The following CDYL2 variants were observed in gnomAD, a reference collection of about 807,000 sequenced individuals.
CDYL2 encodes the protein chromodomain Y-like protein 2.
Under a neutral mutation model 49.4 loss-of-function variants are expected in CDYL2, and 23 were observed. The observed-to-expected ratio is 0.47, with a 90% CI of 0.34 to 0.66. The LOEUF (loss-of-function observed/expected upper bound fraction) is 0.66. CDYL2 is among the 30% of genes least tolerant of loss of function. The pLI is 0.01. For synonymous variants in CDYL2, 360 were observed against 268.8 expected (o/e 1.34, Z -3.32); for missense variants, 678 against 656.4 (o/e 1.03, Z -0.36).
intron 1 of CDYL2, among the ~76,000 whole-genome samples, chr16:80,734,346 A>G (rs993029279): frequency 1.3e-5 from 2 of 152,212 alleles, no homozygotes; most frequent in South Asian, 2.1e-4. Context: ...TGTCTGTACC[A>G]TGAAGTTTTT....
chr16:80,671,681 G>A (rs1909515042), intron 2 of CDYL2, among the ~76,000 whole-genome samples: 1 of 152,202 alleles, frequency 6.6e-6, no homozygotes, highest in Non-Finnish European at 1.5e-5. Flanking sequence ...CTTCAGTGGA[G>A]ACTAAAGAAA....
intron 2 of CDYL2, among the ~76,000 whole-genome samples, chr16:80,662,431 C>T (rs903025758): frequency 6.6e-6 from 1 of 152,194 alleles, no homozygotes; most frequent in African/African-American, 2.4e-5. Context: ...GATATCTCTT[C>T]TGCACATTCT....
At chr16:80,670,823 A>G in intron 2 of CDYL2, 1 of 443,450 alleles carries the variant, frequency 2.3e-6, no homozygotes, top group Non-Finnish European at 4.6e-6. Context: ...ACACCACACC[A>G]CAGTCGGGTT....
chr16:80,727,885 G>T (rs555100408), intron 1 of CDYL2, among the ~76,000 whole-genome samples: 5 of 152,216 alleles, frequency 3.3e-5, no homozygotes, highest in African/African-American at 9.6e-5. Flanking sequence ...TGCAGCTGAG[G>T]GTCCTGTCTG....
At chr16:80,637,077 T>G (rs1332240499) in intron 2 of CDYL2, among the ~76,000 whole-genome samples, 1 of 151,974 alleles carries the variant, frequency 6.6e-6, no homozygotes, top group Non-Finnish European at 1.5e-5. Flanking sequence ...AGGGGAGGAA[T>G]AGCATTAGAA....
chr16:80,681,265 A>G (rs558229000), intron 2 of CDYL2, among the ~76,000 whole-genome samples: 8 of 152,178 alleles, frequency 5.3e-5, no homozygotes, highest in African/African-American at 1.9e-4. Flanking sequence ...GGCTAAGATG[A>G]GCCCTCCTTT....
chr16:80,693,739 G>C (rs948497090), intron 1 of CDYL2, among the ~76,000 whole-genome samples: 1 of 152,058 alleles, frequency 6.6e-6, no homozygotes, highest in African/African-American at 2.4e-5. Flanking sequence ...GTTCTGCGTG[G>C]TCCTATGGGG....
chr16:80,648,484 G>A (rs563641826), intron 2 of CDYL2, among the ~76,000 whole-genome samples: 1 of 152,130 alleles, frequency 6.6e-6, no homozygotes, highest in Admixed American at 6.5e-5. Flanking sequence ...TCAATAACAA[G>A]TAGCGATATC....
rs527296483 is a variant in CDYL2 at position 80,712,189 on chromosome 16, G to GTATATATATATATATA, written c.25-27061_25-27060insTATATATATATATATA. Among the ~76,000 whole-genome samples the GTATATATATATATATA allele has an allele frequency of 2.3e-3, 177 of 75,820 alleles. 3 individuals are homozygous for GTATATATATATATATA. The highest frequency in any genetic ancestry group is 3.7e-3 in the African/African-American group (112 of 30,130). 49.7% of individuals were successfully genotyped at this position (75,820 alleles called of 152,430 possible). A position where few individuals can be genotyped will look rare whatever the true frequency, so the allele number is the denominator to read the frequency against. On this transcript the variant is annotated intron_variant, in intron 1 of 6. Transcript: ENST00000570137. Reference sequence around the variant, plus strand: ...TATATATGTGTCTTTGTGTCTGTGTGTGTATATATATATATATATATATAT... The same window carrying GTATATATATATATATA: ...TATATATGTGTCTTTGTGTCTGTGTGTATATATATATATATATGTATATATATATATATATATATAT...
At chr16:80,732,663 C>G (rs1047289184) in intron 1 of CDYL2, among the ~76,000 whole-genome samples, 15 of 152,186 alleles carry the variant, frequency 9.9e-5, no homozygotes, top group African/African-American at 3.6e-4. Context: ...TTTAAAATAC[C>G]TGAAATAACT....
intron 2 of CDYL2, among the ~76,000 whole-genome samples, chr16:80,680,320 C>T (rs1445248567): frequency 6.6e-6 from 1 of 152,180 alleles, no homozygotes; most frequent in Non-Finnish European, 1.5e-5. Flanking sequence ...CTTAAACGTC[C>T]TTTCAGAAAT....
intron 1 of CDYL2, among the ~76,000 whole-genome samples, chr16:80,776,222 C>T (rs1191833253): frequency 1.3e-5 from 2 of 152,042 alleles, no homozygotes; most frequent in Non-Finnish European, 1.5e-5. Flanking sequence ...AATTTTCAAA[C>T]ATCAAACGTG....
intron 2 of CDYL2, among the ~76,000 whole-genome samples, chr16:80,646,101 C>T (rs1908332082): frequency 6.6e-6 from 1 of 151,354 alleles, no homozygotes; most frequent in African/African-American, 2.4e-5. Context: ...TGTAACAAAC[C>T]TGCACGTTGT....
chr16:80,773,703 A>G (rs1906985539), intron 1 of CDYL2, among the ~76,000 whole-genome samples: 1 of 152,186 alleles, frequency 6.6e-6, no homozygotes, highest in African/African-American at 2.4e-5. Flanking sequence ...ACAAAAATGG[A>G]AACTAGAAGT....
Position 80,772,178 on chromosome 16 carries a change from T to C in CDYL2, c.24+31972A>G, listed in dbSNP as rs370153075. 4.3e-4 allele frequency among the ~76,000 whole-genome samples: 66 copies of C among 152,246 alleles called. No individual in the cohort carries two copies. The Middle Eastern group carries it at 0.01, about 24-fold the overall frequency. On this transcript the variant is annotated intron_variant, in intron 1 of 6. Coordinates refer to ENST00000570137, the MANE Select transcript of CDYL2 (RefSeq NM_152342.4). ...AAAACTAAATGTGAAATAAAGCTTT[T>C]TTAGGCAAATAAAAATGAGGAAAAT...
chr16:80,759,181 GTA>G (rs370401562), intron 1 of CDYL2, among the ~76,000 whole-genome samples: 31 of 118,642 alleles, frequency 2.6e-4, no homozygotes, highest in African/African-American at 5.3e-4. Flanking sequence ...TATATGGTGT[GTA>G]TATATATATA....
intron 1 of CDYL2, among the ~76,000 whole-genome samples, chr16:80,790,040 C>T (rs908041161): frequency 6.6e-6 from 1 of 152,154 alleles, no homozygotes; most frequent in Non-Finnish European, 1.5e-5. Flanking sequence ...ACATGTACCC[C>T]AAAATCTAAA....
At chr16:80,640,135 G>C (rs1908017304) in intron 2 of CDYL2, among the ~76,000 whole-genome samples, 1 of 152,124 alleles carries the variant, frequency 6.6e-6, no homozygotes, top group Non-Finnish European at 1.5e-5. Flanking sequence ...ACACCAGCTG[G>C]GGTGGCTAAG....
chr16:80,624,034 G>A (rs181039690), intron 3 of CDYL2, among the ~76,000 whole-genome samples: 4 of 152,256 alleles, frequency 2.6e-5, no homozygotes, highest in Admixed American at 2.6e-4. Context: ...CCAAGTCTGT[G>A]TACTGACTGA....
Sources: allele counts gnomAD v4.1 joint callset (sites outside exome capture counted in the v4.1 genomes callset), GRCh38; gene constraint gnomAD v4.1.1; transcripts MANE v1.5; gene names NCBI Gene and HGNC (gene_info 2026-07-23, HGNC 2026-07-21).